DHX34: variants seen among roughly 807,000 people sequenced by gnomAD.
The protein encoded by DHX34 is probable ATP-dependent RNA helicase DHX34.
DHX34 carries 96 observed loss-of-function variants against 111.1 expected under a neutral mutation model. That is an observed-to-expected ratio of 0.86 (90% CI 0.73 to 1.02). The LOEUF (loss-of-function observed/expected upper bound fraction) is 1.02, where lower values mean the gene tolerates loss of function less well. DHX34 is among the 50% of genes least tolerant of loss of function. The pLI, the probability that DHX34 is intolerant of heterozygous loss-of-function variation, is 0.00. For missense variants in DHX34, 1,560 were observed against 1,579.9 expected (o/e 0.99, Z 0.21); for synonymous variants, 688 against 670.4 (o/e 1.03, Z -0.41).
rs371069847 is a variant in DHX34 at position 47,380,802 on chromosome 19, C to G, written c.2983-14C>G. On this transcript the variant is annotated splice_polypyrimidine_tract_variant and intron_variant, in intron 14 of 16. Transcript: ENST00000328771. Reference sequence around the variant, plus strand: ...GAGTCTGTCTCTCTCCATTTCCTGTCTCTCCTTCCTTAGATTCCTTACAGC... The same window carrying G: ...GAGTCTGTCTCTCTCCATTTCCTGTGTCTCCTTCCTTAGATTCCTTACAGC... 1.2e-6 allele frequency: 2 copies of G among 1,613,560 alleles called. No homozygotes were observed. Among genetic ancestry groups the G allele is most frequent in the Non-Finnish European group, 1.7e-6 (2 of 1,179,726 alleles).
At chr19:47,365,174 A>T (rs960440678) in intron 6 of DHX34, among the ~76,000 whole-genome samples, 3 of 152,076 alleles carry the variant, frequency 2.0e-5, no homozygotes, top group Non-Finnish European at 2.9e-5. Context: ...TGGAGAATTT[A>T]AAAAAACCCC....
intron 8 of DHX34, 92 bp downstream of exon 8, chr19:47,373,015 C>T (rs1357084437): frequency 1.4e-6 from 2 of 1,428,504 alleles, no homozygotes; most frequent in African/African-American, 1.4e-5. Flanking sequence ...CCACCCTCAG[C>T]CCCACCCTGG....
intron 7 of DHX34, among the ~76,000 whole-genome samples, chr19:47,368,705 CATAT>C (rs781452889): frequency 6.7e-6 from 1 of 149,262 alleles, no homozygotes; most frequent in Admixed American, 6.7e-5. Flanking sequence ...TATACACACA[CATAT>C]ATATATGTTT....
chr19:47,378,729 G>A (rs927867398), intron 13 of DHX34, among the ~76,000 whole-genome samples: 2 of 152,264 alleles, frequency 1.3e-5, no homozygotes, highest in East Asian at 1.9e-4. Flanking sequence ...CCAGCTACTC[G>A]GGAGGCTGAG....
At chr19:47,381,654 T>C in intron 16 of DHX34, 1 of 600,918 alleles carries the variant, frequency 1.7e-6, no homozygotes, top group South Asian at 2.3e-5. Flanking sequence ...TCCACCCTGT[T>C]GTCACCCAGG....
In DHX34 at chr19:47,373,616, CAG is replaced by C; in HGVS notation, c.1982_1983del (p.Arg661LysfsTer90). The C allele has an allele frequency of 6.2e-7, 1 of 1,613,854 alleles. No individual in the cohort carries two copies. The highest frequency in any genetic ancestry group is 1.7e-4 in the Middle Eastern group (1 of 6,048). The stretch of plus-strand genomic sequence containing the variant: ...CCACCCAGGTGAAATCTGAACGGAG[CAG>C]AAACTCTCGCAAGTGGTGCCGCCGC... ...AWVQVKSERS[R>X]NSRKWCRRRG... is the part of the protein sequence containing the mutation. On this transcript the variant is annotated frameshift_variant, in exon 9 of 17. Transcript: ENST00000328771. LOFTEE classifies it high-confidence loss of function.
intron 13 of DHX34, among the ~76,000 whole-genome samples, chr19:47,378,941 C>G (rs2122370328): frequency 6.6e-6 from 1 of 150,780 alleles, no homozygotes; most frequent in East Asian, 2.0e-4. Context: ...ACCAGCCTAG[C>G]CAATGTGGTG....
Position 47,375,585 on chromosome 19 carries a change from C to T in DHX34, c.2184C>T (p.His728=), listed in dbSNP as rs79484248. ...CCCTGCACCAGCTGAAACGCCAGCA[C>T]GAGGAGGGCGCGGGGCGCAGGCGCA... ...RRALHQLKRQ[H]EEGAGRRRKV... is the part of the protein sequence containing the mutation. Residue 728 remains histidine (H), a synonymous_variant, in exon 10 of 17, where the codon CAC becomes CAT. Transcript: ENST00000328771. 3,591 of 1,546,248 alleles carry T rather than the reference C, an allele frequency of 2.3e-3. 82 individuals carry two copies. In the African/African-American group the frequency reaches 0.043, roughly 19 times the overall value.
rs772047540 is a variant in DHX34, at chr19:47,362,644, A to G, written c.1544A>G (p.Tyr515Cys). ...AESDYDAFAP[Y>C]PVPEIRRVAL... The stretch of plus-strand genomic sequence containing the variant: ...TCGGACTATGATGCCTTCGCCCCCT[A>G]CCCCGTCCCAGAAATTCGGAGGGTG... Residue 515 changes from tyrosine to cysteine, a missense_variant, in exon 6 of 17, where the codon TAC (tyrosine) becomes TGC (cysteine). Tyr to Cys is a radical substitution (Grantham distance 194). Transcript: ENST00000328771. The G allele has an allele frequency of 3.5e-5, 57 of 1,613,056 alleles. No homozygotes were observed. The highest frequency in any genetic ancestry group is 5.3e-5 in the African/African-American group (4 of 74,808).
intron 11 of DHX34, 139 bp downstream of exon 11, chr19:47,376,236 A>G: frequency 7.0e-7 from 1 of 1,434,124 alleles, no homozygotes; most frequent in South Asian, 1.4e-5. Flanking sequence ...GTGGGAGGAC[A>G]GACCCATCCC....
rs767273755 is a variant in DHX34 at position 47,375,642 on chromosome 19, C to T, written c.2241C>T (p.Gly747=). The T allele has an allele frequency of 3.1e-5, 48 of 1,553,238 alleles. No homozygotes were observed. Among genetic ancestry groups the T allele is most frequent in the Middle Eastern group, 1.7e-4 (1 of 5,782 alleles). The change falls in exon 10 of 17, where the codon GGC becomes GGT. Residue 747 remains glycine (G), a synonymous_variant. Transcript: ENST00000328771. ...TGCGGCTGCAGGAGGAGCAGGACGG[C>T]GGCTCCAGTGACGAGGACAGGGCTG... is the stretch of plus-strand genomic sequence containing the variant. ...KVLRLQEEQD[G]GSSDEDRAGP...
At chr19:47,363,381 G>T (rs946951398) in intron 6 of DHX34, among the ~76,000 whole-genome samples, 3 of 151,986 alleles carry the variant, frequency 2.0e-5, no homozygotes, top group African/African-American at 7.3e-5. Flanking sequence ...ATGAGCCATT[G>T]TGCCCAGCCA....
At chr19:47,372,566 A>T in intron 7 of DHX34, 164 bp from the exon 8 acceptor site, 1 of 959,104 alleles carries the variant, frequency 1.0e-6, no homozygotes, top group Non-Finnish European at 1.2e-6. Flanking sequence ...CAGAAAGCAC[A>T]GCGCGTGGGT....
intron 15 of DHX34, 72 bp from the exon 16 acceptor site, chr19:47,381,114 G>T: frequency 1.3e-6 from 2 of 1,590,408 alleles, no homozygotes; most frequent in Non-Finnish European, 1.7e-6. Context: ...TTCTGGGAAG[G>T]GTCCCGGGGG....
intron 3 of DHX34, among the ~76,000 whole-genome samples, chr19:47,356,189 C>T (rs979456879): frequency 4.6e-5 from 7 of 152,132 alleles, no homozygotes; most frequent in African/African-American, 1.4e-4. Context: ...CATATGTTCC[C>T]TCTGGGGCAA....
Position 47,372,725 on chromosome 19 carries a change from T to A in DHX34, c.1769-5T>A, listed in dbSNP as rs1197894930. 1 of 1,591,516 alleles carries A rather than the reference T, an allele frequency of 6.3e-7. No homozygotes were observed. The highest frequency in any genetic ancestry group is 8.6e-7 in the Non-Finnish European group (1 of 1,167,486). On this transcript the variant is annotated splice_region_variant and splice_polypyrimidine_tract_variant and intron_variant, in intron 7 of 16. Transcript: ENST00000328771. ...GGAGCCTCAACCCCGTGTCCGCCGC[T>A]GCAGGGAAGATGCTGATCCTGGGCT...
intron 16 of DHX34, 136 bp from the exon 17 acceptor site, chr19:47,381,844 C>G: frequency 6.7e-7 from 1 of 1,491,908 alleles, no homozygotes; most frequent in Non-Finnish European, 8.9e-7. Flanking sequence ...TCTGGGAGGG[C>G]TTCCTGGAGG....
chr19:47,358,714 A>C (rs538970979), intron 4 of DHX34, among the ~76,000 whole-genome samples: 35 of 152,108 alleles, frequency 2.3e-4, no homozygotes, highest in Non-Finnish European at 4.1e-4. Context: ...TCCCGGGTTC[A>C]AGCGATTCTC....
intron 7 of DHX34, among the ~76,000 whole-genome samples, chr19:47,371,260 G>GC (rs1969957823): frequency 1.3e-5 from 2 of 152,204 alleles, no homozygotes; most frequent in South Asian, 2.1e-4. Flanking sequence ...GGGGGCAGGT[G>GC]CCCCCACTTG....
Sources: gnomAD v4.1 joint callset for allele counts (sites outside exome capture counted in the v4.1 genomes callset) on GRCh38, gnomAD v4.1.1 for gene constraint, MANE v1.5 for transcripts, NCBI Gene and HGNC (gene_info 2026-07-23, HGNC 2026-07-21) for gene names.